The following KCTD8 variants were observed in gnomAD, a reference collection of about 807,000 sequenced individuals.
KCTD8 encodes potassium channel tetramerization domain containing 8.
Under a neutral mutation model 31.5 loss-of-function variants are expected in KCTD8, and 27 were observed. That is an observed-to-expected ratio of 0.86 (90% confidence interval 0.63 to 1.18). The LOEUF (loss-of-function observed/expected upper bound fraction) is 1.18. Ranked by LOEUF, KCTD8 falls within the 50% of genes most tolerant of loss-of-function variation. The probability of loss-of-function intolerance (pLI) is 0.00; values close to 1 mark genes in which losing one functional copy is unlikely to be tolerated. For missense variants in KCTD8, 658 were observed against 647.7 expected, an observed-to-expected ratio of 1.02 and a Z score of -0.17; for synonymous variants, 290 against 280.0, an observed-to-expected ratio of 1.04 and a Z score of -0.36.
chr4:44,316,780 C>T (rs1209572468), intron 1 of KCTD8, among the ~76,000 whole-genome samples: 8 of 110,750 alleles, frequency 7.2e-5, no homozygotes, highest in African/African-American at 2.8e-4. Context: ...GAAACCCCAT[C>T]TCTACTAAAA....
chr4:44,255,878 T>C (rs565674670), intron 1 of KCTD8, among the ~76,000 whole-genome samples: 1 of 152,108 alleles, frequency 6.6e-6, no homozygotes, highest in Admixed American at 6.6e-5. Context: ...CATTATAAAA[T>C]AATACAAATT....
intron 1 of KCTD8, among the ~76,000 whole-genome samples, chr4:44,321,875 T>A (rs972450965): frequency 4.0e-5 from 6 of 150,986 alleles, no homozygotes; most frequent in African/African-American, 1.5e-4. Flanking sequence ...CTGACTGGCT[T>A]ATCTCACTTA....
rs559395354 is a variant in KCTD8 at position 44,413,005 on chromosome 4, G to A, written c.961+34558C>T. ...TTTATCAATTCAGGACCTGTGAGATGAATATATAATGCTATAAAATATTGT... is the reference window on the plus strand; with the variant it reads ...TTTATCAATTCAGGACCTGTGAGATAAATATATAATGCTATAAAATATTGT... On this transcript the variant is annotated intron_variant, in intron 1 of 1. Transcript: ENST00000360029. Among the ~76,000 whole-genome samples the A allele has an allele frequency of 1.2e-4, 19 of 152,206 alleles. No homozygotes were observed. In the East Asian group the frequency reaches 3.3e-3, roughly 26 times the overall value.
intron 1 of KCTD8, among the ~76,000 whole-genome samples, chr4:44,342,905 A>C (rs1416164259): frequency 1.3e-5 from 2 of 152,216 alleles, no homozygotes; most frequent in Non-Finnish European, 2.9e-5. Context: ...CTTAGCCTTC[A>C]GATAACTGAA....
At chr4:44,179,052 G>T (rs532451923) in intron 1 of KCTD8, among the ~76,000 whole-genome samples, 39 of 152,242 alleles carry the variant, frequency 2.6e-4, no homozygotes, top group Middle Eastern at 6.8e-3. Context: ...GCAGAGAAAA[G>T]ATTTTACATG....
At chr4:44,193,137 T>TAC (rs1454649841) in intron 1 of KCTD8, among the ~76,000 whole-genome samples, 1 of 152,194 alleles carries the variant, frequency 6.6e-6, no homozygotes, top group Admixed American at 6.5e-5. Context: ...ACAAACCTAG[T>TAC]AATAAAATAA....
chr4:44,220,323 G>T (rs867799495), intron 1 of KCTD8, among the ~76,000 whole-genome samples: 1 of 152,208 alleles, frequency 6.6e-6, no homozygotes, highest in African/African-American at 2.4e-5. Flanking sequence ...CAACTAGAAT[G>T]AAGTAGTAAT....
chr4:44,404,531 C>G (rs182549470), intron 1 of KCTD8, among the ~76,000 whole-genome samples: 10 of 152,246 alleles, frequency 6.6e-5, no homozygotes. Flanking sequence ...GGGACAATAA[C>G]TACATAAACC....
At chr4:44,228,152 C>T (rs1715017343) in intron 1 of KCTD8, among the ~76,000 whole-genome samples, 1 of 152,126 alleles carries the variant, frequency 6.6e-6, no homozygotes, top group Admixed American at 6.5e-5. Context: ...GCTCCACAAA[C>T]CAAGTTACTT....
intron 1 of KCTD8, among the ~76,000 whole-genome samples, chr4:44,427,278 T>C (rs1335123188): frequency 6.6e-6 from 1 of 151,410 alleles, no homozygotes; most frequent in African/African-American, 2.4e-5. Context: ...ATTTTACATA[T>C]AATTCATATA....
At chr4:44,225,299 T>G (rs547729764) in intron 1 of KCTD8, among the ~76,000 whole-genome samples, 1 of 152,366 alleles carries the variant, frequency 6.6e-6, no homozygotes, top group African/African-American at 2.4e-5. Context: ...TCTGCTTTGT[T>G]TCCACAGCTG....
intron 1 of KCTD8, among the ~76,000 whole-genome samples, chr4:44,204,803 A>T (rs1001566759): frequency 6.6e-6 from 1 of 152,086 alleles, no homozygotes; most frequent in African/African-American, 2.4e-5. Context: ...AAGAAATATA[A>T]CTATAAATAT....
chr4:44,220,666 T>C (rs11937681), intron 1 of KCTD8, among the ~76,000 whole-genome samples: 5,992 of 152,160 alleles, frequency 0.039, 393 homozygotes, highest in African/African-American at 0.14. Context: ...ACAAATACAT[T>C]AAGACATAAG....
chr4:44,216,082 T>C (rs772305485), intron 1 of KCTD8, among the ~76,000 whole-genome samples: 14 of 152,182 alleles, frequency 9.2e-5, no homozygotes, highest in Non-Finnish European at 1.9e-4. Flanking sequence ...TTGTGAAAAT[T>C]ATCTCCGCTA....
At chr4:44,192,754 A>G (rs1033467357) in intron 1 of KCTD8, among the ~76,000 whole-genome samples, 2 of 152,100 alleles carry the variant, frequency 1.3e-5, no homozygotes, top group Non-Finnish European at 2.9e-5. Flanking sequence ...AGTCAGTGAA[A>G]TGGGAGAGGT....
Position 44,448,080 on chromosome 4 carries a change from G to T in KCTD8, c.444C>A (p.Pro148=), listed in dbSNP as rs1721997352. 1 of 1,612,480 alleles carries T rather than the reference G, an allele frequency of 6.2e-7. No individual in the cohort carries two copies. The highest frequency in any genetic ancestry group is 1.1e-5 in the South Asian group (1 of 91,050). Residue 148 remains proline (P), a synonymous_variant, in exon 1 of 2, where the codon CCC becomes CCA. Transcript: ENST00000360029. The surrounding 1 kb of genome is among the most constrained non-coding windows in gnomAD (Gnocchi z 4.1). ...QLTDLVKLLS[P]KVTKQNSLND... is the part of the protein sequence containing the mutation. ...TGAGAGAGTTCTGCTTGGTGACCTT[G>T]GGCGACAGCAGCTTGACCAAGTCGG...
At chr4:44,334,899 T>C (rs1718682521) in intron 1 of KCTD8, among the ~76,000 whole-genome samples, 1 of 152,108 alleles carries the variant, frequency 6.6e-6, no homozygotes, top group Non-Finnish European at 1.5e-5. Context: ...CTGGAATGCA[T>C]CCAAAATGAA....
chr4:44,374,414 T>C (rs1285734656), intron 1 of KCTD8, among the ~76,000 whole-genome samples: 2 of 152,216 alleles, frequency 1.3e-5, no homozygotes, highest in East Asian at 1.9e-4. Context: ...TGATCTTCCA[T>C]GCAGACCACT....
intron 1 of KCTD8, among the ~76,000 whole-genome samples, chr4:44,296,419 G>C (rs1717436349): frequency 6.6e-6 from 1 of 151,510 alleles, no homozygotes; most frequent in Non-Finnish European, 1.5e-5. Flanking sequence ...TATCGTAACA[G>C]TGTCACATGT....
Sources: allele counts gnomAD v4.1 joint callset (sites outside exome capture counted in the v4.1 genomes callset), GRCh38; gene constraint gnomAD v4.1.1; non-coding constraint Gnocchi (gnomAD v3.1); transcripts MANE v1.5; gene names NCBI Gene and HGNC (gene_info 2026-07-23, HGNC 2026-07-21).